ZDHHC21: variants seen among roughly 807,000 people sequenced by gnomAD.
ZDHHC21 encodes the protein zDHHC palmitoyltransferase 21, also known as palmitoyltransferase ZDHHC21.
ZDHHC21 carries 15 observed loss-of-function variants against 34.6 expected under a neutral mutation model. The ratio of observed to expected loss-of-function variants is 0.43; its 90% CI spans 0.29 to 0.67. ZDHHC21 has a LOEUF of 0.67. ZDHHC21 is among the 30% of genes least tolerant of loss of function. ZDHHC21 has a pLI of 0.14. For missense variants in ZDHHC21, 344 were observed against 327.7 expected, an observed-to-expected ratio of 1.05 and a Z score of -0.38; for synonymous variants, 142 against 101.8, an observed-to-expected ratio of 1.40 and a Z score of -2.38.
rs1824731726 is a variant in ZDHHC21, at chr9:14,618,866, TG to T, written c.*99del. The T allele has an allele frequency of 4.5e-6, 6 of 1,327,670 alleles. No homozygotes were observed. The East Asian group carries it at 1.6e-4, about 35-fold the overall frequency. 82.2% of individuals were successfully genotyped at this position (1,327,670 alleles called of 1,614,324 possible). On this transcript the variant is annotated 3_prime_UTR_variant, in exon 10 of 10. Coordinates refer to ENST00000380916, the MANE Select transcript of ZDHHC21 (RefSeq NM_178566.6). Reference sequence around the variant, plus strand: ...CATTATGATGCCTAAGACTGGTGGGTGGATTTTAATTGACTTGAAGACTGTC... The same window carrying T: ...CATTATGATGCCTAAGACTGGTGGGTGATTTTAATTGACTTGAAGACTGTC...
At chr9:14,674,484 T>G in intron 3 of ZDHHC21, 99 bp from the exon 4 acceptor site, 1 of 637,008 alleles carries the variant, frequency 1.6e-6, no homozygotes, top group East Asian at 3.4e-5. Context: ...GAGTTTTCTT[T>G]GCATATTTGA....
In ZDHHC21 at chr9:14,617,205, T is replaced by G. The variant is rs1468937805; in HGVS notation, c.*1761A>C. 2 of 152,020 alleles carry G rather than the reference T, an allele frequency of 1.3e-5. No homozygotes were observed. Among genetic ancestry groups the G allele is most frequent in the East Asian group, 3.9e-4 (2 of 5,172 alleles). 9.4% of individuals were successfully genotyped at this position (152,020 alleles called of 1,614,324 possible). ...TTGTGCCTGACATGAACATTCTAAT[T>G]TTGTGTTTCACTAAGCTTTATAAAT... On this transcript the variant is annotated 3_prime_UTR_variant, in exon 10 of 10. Coordinates refer to ENST00000380916, the MANE Select transcript of ZDHHC21 (RefSeq NM_178566.6).
intron 5 of ZDHHC21, among the ~76,000 whole-genome samples, chr9:14,670,220 G>A (rs896546263): frequency 1.3e-5 from 2 of 151,944 alleles, no homozygotes; most frequent in African/African-American, 4.8e-5. Flanking sequence ...ATATCCTAGA[G>A]AATAAATTCT....
rs1823979052 is a variant in ZDHHC21, at chr9:14,615,322, G to C, written c.*3644C>G. ...TAGTTATCATTAGCCATCATACTTAGAGAAAAATGCCTCTATGCATTGGCA... is the reference window on the plus strand; with the variant it reads ...TAGTTATCATTAGCCATCATACTTACAGAAAAATGCCTCTATGCATTGGCA... On this transcript the variant is annotated 3_prime_UTR_variant, in exon 10 of 10. Coordinates refer to ENST00000380916, the MANE Select transcript of ZDHHC21 (RefSeq NM_178566.6). 1 of 151,682 alleles carries C rather than the reference G, an allele frequency of 6.6e-6. No homozygotes were observed. The highest frequency in any genetic ancestry group is 6.6e-5 in the Admixed American group (1 of 15,204). The allele number at this position is 151,682 out of a possible 1,614,324, so 9.4% of individuals were successfully genotyped here.
the ZDHHC21 span, among the ~76,000 whole-genome samples, chr9:14,600,406 C>A: frequency 6.6e-6 from 1 of 152,122 alleles, no homozygotes; most frequent in African/African-American, 2.4e-5. Flanking sequence ...TTCACAACTG[C>A]TACAAAGAGA....
intron 7 of ZDHHC21, among the ~76,000 whole-genome samples, chr9:14,655,061 T>G (rs75077920): frequency 6.6e-6 from 1 of 151,914 alleles, no homozygotes; most frequent in Non-Finnish European, 1.5e-5. Context: ...AAGCACATCA[T>G]AGAATCACAG....
Position 14,676,013 on chromosome 9 carries a change from A to T in ZDHHC21, c.-45-1628T>A, listed in dbSNP as rs910916289. On this transcript the variant is annotated intron_variant, in intron 3 of 9. Transcript: ENST00000380916. ...TAAGAAATATGGGCCTATATCATGA[A>T]GGACATAAAGATGCCATGTTAGAAT... 4.6e-5 allele frequency among the ~76,000 whole-genome samples: 7 copies of T among 152,006 alleles called. 1 individual carries two copies. The highest frequency in any genetic ancestry group is 1.7e-4 in the African/African-American group (7 of 41,432).
intron 8 of ZDHHC21, among the ~76,000 whole-genome samples, chr9:14,636,727 T>C (rs747655701): frequency 1.3e-5 from 2 of 151,942 alleles, no homozygotes; most frequent in Non-Finnish European, 2.9e-5. Context: ...CACAGTGGAA[T>C]AAATCTAAAA....
the ZDHHC21 span, chr9:14,590,136 A>C: frequency 2.0e-5 from 3 of 152,220 alleles, no homozygotes; most frequent in African/African-American, 7.2e-5. Context: ...GGAGATGAAA[A>C]ATACAATATC....
the ZDHHC21 span, among the ~76,000 whole-genome samples, chr9:14,601,835 T>C: frequency 1.3e-5 from 2 of 152,196 alleles, no homozygotes; most frequent in Non-Finnish European, 2.9e-5. Context: ...GATGAGTTCA[T>C]GTCCTTTGCA....
At position 14,658,804 on chromosome 9, in the gene ZDHHC21, A is replaced by T; in HGVS notation, c.449T>A (p.Leu150Gln). Reference protein sequence around the residue: ...FYTELLTCYALMFSFCHYYYF... With the variant: ...FYTELLTCYAQMFSFCHYYYF... ...GTAATAGTGGCAGAAAGAAAACATC[A>T]GTGCGTAGCAAGTAAGAAGTTCAGT... is the stretch of plus-strand genomic sequence containing the variant. The change falls in exon 7 of 10, where the codon CTG (leucine) becomes CAG (glutamine). Residue 150 changes from leucine (L) to glutamine (Q), a missense_variant. By Grantham distance (113) the Leu-to-Gln change is moderately radical. Transcript: ENST00000380916. The T allele has an allele frequency of 1.9e-6, 3 of 1,613,978 alleles. No individual in the cohort carries two copies. The highest frequency in any genetic ancestry group is 2.5e-6 in the Non-Finnish European group (3 of 1,179,960).
At chr9:14,602,037 A>G in the ZDHHC21 span, among the ~76,000 whole-genome samples, 16,200 of 151,922 alleles carry the variant, frequency 0.11, 1,227 homozygotes, top group South Asian at 0.3. Flanking sequence ...TAGGAGAAAT[A>G]CCTAATGTAG....
intron 5 of ZDHHC21, among the ~76,000 whole-genome samples, chr9:14,664,390 G>A (rs1429405430): frequency 1.3e-5 from 2 of 151,142 alleles, no homozygotes; most frequent in African/African-American, 2.4e-5. Flanking sequence ...TGCTAGCACA[G>A]CAGTCTGAGA....
chr9:14,681,910 T>G (rs1564394847), intron 2 of ZDHHC21, among the ~76,000 whole-genome samples: 1 of 152,130 alleles, frequency 6.6e-6, no homozygotes, highest in South Asian at 2.1e-4. Context: ...AAAAGGATTT[T>G]CAACCCAGAA....
At chr9:14,675,416 C>T (rs1203714664) in intron 3 of ZDHHC21, among the ~76,000 whole-genome samples, 1 of 151,874 alleles carries the variant, frequency 6.6e-6, no homozygotes, top group East Asian at 1.9e-4. Flanking sequence ...AATACATATT[C>T]CCAGACCCCA....
chr9:14,646,906 G>C (rs1486623605), intron 7 of ZDHHC21, among the ~76,000 whole-genome samples: 16 of 151,880 alleles, frequency 1.1e-4, no homozygotes, highest in Admixed American at 1.1e-3. Flanking sequence ...GGGGACTTTT[G>C]CCTGTCTTGT....
At chr9:14,623,409 G>A (rs1250520893) in intron 8 of ZDHHC21, among the ~76,000 whole-genome samples, 1 of 151,896 alleles carries the variant, frequency 6.6e-6, no homozygotes, top group Non-Finnish European at 1.5e-5. Context: ...TGTGCCTGTA[G>A]TCCTCGCTAC....
At chr9:14,590,589 G>A in the ZDHHC21 span, among the ~76,000 whole-genome samples, 2 of 152,062 alleles carry the variant, frequency 1.3e-5, no homozygotes, top group Non-Finnish European at 2.9e-5. Context: ...TAATAGAATG[G>A]AAGGGGCTGA....
At chr9:14,635,723 A>AG (rs1828173919) in intron 8 of ZDHHC21, among the ~76,000 whole-genome samples, 2 of 152,334 alleles carry the variant, frequency 1.3e-5, no homozygotes, top group South Asian at 2.1e-4. Flanking sequence ...CTACCATCAT[A>AG]AAAACACATG....
Sources: gnomAD v4.1 joint callset for allele counts (sites outside exome capture counted in the v4.1 genomes callset) on GRCh38, gnomAD v4.1.1 for gene constraint, MANE v1.5 for transcripts, NCBI Gene and HGNC (gene_info 2026-07-23, HGNC 2026-07-21) for gene names.